CDH2: variants seen among roughly 807,000 people sequenced by gnomAD.
CDH2 encodes cadherin 2.
Under a neutral mutation model 92.0 loss-of-function variants are expected in CDH2, and 17 were observed. The ratio of observed to expected loss-of-function variants is 0.18; its 90% confidence interval spans 0.13 to 0.28. The LOEUF (loss-of-function observed/expected upper bound fraction) is 0.28, where lower values mean the gene tolerates loss of function less well. Among genes scored for constraint, CDH2 ranks in the 10% least tolerant of loss-of-function variants. The probability of loss-of-function intolerance (pLI) is 1.00; values close to 1 mark genes in which losing one functional copy is unlikely to be tolerated. For synonymous variants in CDH2, 419 were observed against 415.9 expected (o/e 1.01, Z -0.09); for missense variants, 862 against 1,133.1 (o/e 0.76, Z 3.44).
At chr18:28,144,180 C>A (rs2144320886) in intron 2 of CDH2, among the ~76,000 whole-genome samples, 1 of 151,480 alleles carries the variant, frequency 6.6e-6, no homozygotes, top group Admixed American at 6.6e-5. Flanking sequence ...AAAAAAAGAG[C>A]TATATAATCA....
chr18:27,935,636 G>A (rs1036553343), intron 6 of CDH2, among the ~76,000 whole-genome samples: 14 of 151,918 alleles, frequency 9.2e-5, no homozygotes, highest in Non-Finnish European at 1.9e-4. Context: ...GTACTGCCTT[G>A]TGTAGTGTCT....
chr18:28,176,675 C>T (rs2016547435), intron 1 of CDH2, among the ~76,000 whole-genome samples: 2 of 152,132 alleles, frequency 1.3e-5, no homozygotes, highest in South Asian at 4.1e-4. Flanking sequence ...GGACACCCCC[C>T]GCGAGCTTGC....
At chr18:28,077,379 GA>G (rs2014741143) in intron 2 of CDH2, among the ~76,000 whole-genome samples, 1 of 152,126 alleles carries the variant, frequency 6.6e-6, no homozygotes, top group Non-Finnish European at 1.5e-5. Flanking sequence ...TACCGGATCA[GA>G]AATTAAAATA....
intron 1 of CDH2, among the ~76,000 whole-genome samples, chr18:28,158,563 C>T (rs1568021400): frequency 6.6e-6 from 1 of 152,164 alleles, no homozygotes; most frequent in Non-Finnish European, 1.5e-5. Context: ...TCTCACTGTC[C>T]CAGTGCTTTC....
intron 1 of CDH2, among the ~76,000 whole-genome samples, chr18:28,176,733 GC>G (rs1402405175): frequency 1.3e-5 from 2 of 151,850 alleles, no homozygotes; most frequent in African/African-American, 4.8e-5. Context: ...AGCCCCTAGA[GC>G]CCCGCCAGGA....
In CDH2 at chr18:28,160,150, C is replaced by T. The variant is rs185337195; in HGVS notation, c.61-12366G>A. ...GATAGCTGTTTAAGAGGTAGCGCCTCGAGAAAAAAATAAAAAAAAAAACAG... is the reference window on the plus strand; with the variant it reads ...GATAGCTGTTTAAGAGGTAGCGCCTTGAGAAAAAAATAAAAAAAAAAACAG... On this transcript the variant is annotated intron_variant, in intron 1 of 15. Transcript: ENST00000269141. 4.4e-3 allele frequency among the ~76,000 whole-genome samples: 643 copies of T among 146,430 alleles called. 2 individuals are homozygous for T. The highest frequency in any genetic ancestry group is 0.017 in the African/African-American group (619 of 37,046).
intron 2 of CDH2, among the ~76,000 whole-genome samples, chr18:28,049,337 T>C (rs1456505104): frequency 6.6e-6 from 1 of 152,218 alleles, no homozygotes; most frequent in Non-Finnish European, 1.5e-5. Flanking sequence ...ATGGTTGCGA[T>C]ATGGCTATTT....
intron 14 of CDH2, among the ~76,000 whole-genome samples, chr18:27,978,415 C>G (rs2011922613): frequency 6.6e-6 from 1 of 152,184 alleles, no homozygotes; most frequent in African/African-American, 2.4e-5. Flanking sequence ...ACACACATAT[C>G]ACCTGCTTTA....
intron 2 of CDH2, among the ~76,000 whole-genome samples, chr18:28,085,935 T>C (rs945389609): frequency 2.1e-4 from 32 of 152,316 alleles, no homozygotes; most frequent in African/African-American, 7.0e-4. Context: ...GGTTATTAAC[T>C]ACCACTGTAC....
intron 2 of CDH2, among the ~76,000 whole-genome samples, chr18:28,040,597 G>C (rs2013929680): frequency 6.6e-6 from 1 of 152,114 alleles, no homozygotes; most frequent in South Asian, 2.1e-4. Flanking sequence ...GCAACTGCTG[G>C]AAAAATAACA....
At chr18:28,124,019 A>T (rs1395350747) in intron 2 of CDH2, among the ~76,000 whole-genome samples, 1 of 152,172 alleles carries the variant, frequency 6.6e-6, no homozygotes, top group Non-Finnish European at 1.5e-5. Flanking sequence ...AGGTAAAACT[A>T]TCTTTAAAAG....
At chr18:28,032,271 A>G (rs2013716608) in intron 2 of CDH2, among the ~76,000 whole-genome samples, 1 of 152,124 alleles carries the variant, frequency 6.6e-6, no homozygotes, top group African/African-American at 2.4e-5. Flanking sequence ...GTTCATTCAT[A>G]TATGTATTAC....
In CDH2 at chr18:27,998,250, C is replaced by T. The variant is rs17493569; in HGVS notation, c.1021-4613G>A. 6.1e-3 allele frequency among the ~76,000 whole-genome samples: 933 copies of T among 152,260 alleles called. 10 individuals are homozygous for T. The highest frequency in any genetic ancestry group is 0.02 in the African/African-American group (846 of 41,570). ...TGTTCCAAGGGCCTTGATTTAAAAA[C>T]AAAAAACAACTTTTATTGAGTTTGA... On this transcript the variant is annotated intron_variant, in intron 7 of 15. Coordinates refer to ENST00000269141, the MANE Select transcript of CDH2 (RefSeq NM_001792.5).
chr18:28,145,458 G>A (rs1568015959), intron 2 of CDH2, among the ~76,000 whole-genome samples: 1 of 152,050 alleles, frequency 6.6e-6, no homozygotes, highest in Non-Finnish European at 1.5e-5. Context: ...CAAATATACA[G>A]TACATGAATT....
chr18:27,997,176 C>G (rs2012610695), intron 7 of CDH2, among the ~76,000 whole-genome samples: 1 of 152,232 alleles, frequency 6.6e-6, no homozygotes, highest in Non-Finnish European at 1.5e-5. Context: ...GTCCTAGAGG[C>G]TTCTCAGCAT....
chr18:28,024,719 T>C (rs2013503660), intron 2 of CDH2, among the ~76,000 whole-genome samples: 1 of 151,658 alleles, frequency 6.6e-6, no homozygotes, highest in South Asian at 2.1e-4. Flanking sequence ...CTAATTTAAT[T>C]GAAAGGAGTT....
At chr18:27,966,017 G>C (rs990348757) in intron 14 of CDH2, among the ~76,000 whole-genome samples, 1 of 92,816 alleles carries the variant, frequency 1.1e-5, no homozygotes, top group South Asian at 3.6e-4. Flanking sequence ...AAAAAAAAAA[G>C]ATTTATTCAG....
chr18:27,960,581 T>C (rs1182163804), intron 15 of CDH2, among the ~76,000 whole-genome samples: 2 of 152,198 alleles, frequency 1.3e-5, no homozygotes, highest in African/African-American at 2.4e-5. Flanking sequence ...TGCACAAATA[T>C]CGTGCTAGCA....
chr18:28,027,275 A>C (rs1190877670), intron 2 of CDH2, among the ~76,000 whole-genome samples: 1 of 152,144 alleles, frequency 6.6e-6, no homozygotes, highest in Admixed American at 6.6e-5. Context: ...GTCTATAAAA[A>C]TGAAATAAAT....
Sources: gnomAD v4.1 joint callset for allele counts (sites outside exome capture counted in the v4.1 genomes callset) on GRCh38, gnomAD v4.1.1 for gene constraint, MANE v1.5 for transcripts, NCBI Gene and HGNC (gene_info 2026-07-23, HGNC 2026-07-21) for gene names.